PATJ: variants seen among roughly 807,000 people sequenced by gnomAD.
PATJ encodes PATJ crumbs cell polarity complex component.
Under a neutral mutation model 224.9 loss-of-function variants are expected in PATJ, and 190 were observed. The observed-to-expected ratio is 0.84, with a 90% CI of 0.75 to 0.95. The LOEUF (loss-of-function observed/expected upper bound fraction) is 0.95, where lower values mean the gene tolerates loss of function less well. Among genes scored for constraint, PATJ ranks in the 40% least tolerant of loss-of-function variants. PATJ has a pLI of 0.00. For missense variants in PATJ, 2,121 were observed against 2,270.3 expected (o/e 0.93, Z 1.34); for synonymous variants, 769 against 820.3 (o/e 0.94, Z 1.07).
chr1:61,920,400 G>GCT (rs960190178), intron 26 of PATJ, among the ~76,000 whole-genome samples: 2 of 152,072 alleles, frequency 1.3e-5, no homozygotes, highest in African/African-American at 4.8e-5. Context: ...CCCTGCACAA[G>GCT]CTCTCTCTCT....
At chr1:62,024,886 A>G (rs1247239655) in intron 29 of PATJ, among the ~76,000 whole-genome samples, 1 of 152,092 alleles carries the variant, frequency 6.6e-6, no homozygotes, top group African/African-American at 2.4e-5. Context: ...CTTGATACGA[A>G]TGGTGTTTAT....
chr1:61,921,739 G>A (rs1292114381), intron 26 of PATJ, among the ~76,000 whole-genome samples: 1 of 152,168 alleles, frequency 6.6e-6, no homozygotes, highest in East Asian at 1.9e-4. Flanking sequence ...AATACAATCT[G>A]TAGTGAGAGA....
Position 62,117,172 on chromosome 1 carries a change from G to T in PATJ, c.4844G>T (p.Arg1615Leu). 6.2e-7 allele frequency: 1 copy of T among 1,614,064 alleles called. No individual in the cohort carries two copies. The highest frequency in any genetic ancestry group is 2.2e-5 in the East Asian group (1 of 44,880). The change falls in exon 37 of 44, where the codon CGA becomes CTA. Residue 1615 changes from arginine to leucine, a missense_variant. Physicochemically the swap from Arg to Leu is moderately radical, Grantham distance 102. Coordinates refer to ENST00000642238, the MANE Select transcript of PATJ (RefSeq NM_001350145.3). ...GLVQLEIGRL[R>L]AGSWTSARTT... ...GTGCAGCTAGAGATTGGAAGACTCC[G>T]AGCTGGTTCCTGGACCTCCGCAAGG...
intron 30 of PATJ, among the ~76,000 whole-genome samples, chr1:62,046,510 G>C: frequency 6.6e-6 from 1 of 152,248 alleles, no homozygotes; most frequent in South Asian, 2.1e-4. Context: ...GTGGGGAGGC[G>C]TAGTACAGTT....
At chr1:62,048,722 A>G (rs960548652) in intron 30 of PATJ, among the ~76,000 whole-genome samples, 7 of 152,140 alleles carry the variant, frequency 4.6e-5, no homozygotes, top group African/African-American at 1.7e-4. Flanking sequence ...CTGGTATTTT[A>G]TCTGCACTTT....
At position 61,817,385 on chromosome 1, in the gene PATJ, C is replaced by T. The variant is rs548459675; in HGVS notation, c.1684-5560C>T. 5.3e-5 allele frequency among the ~76,000 whole-genome samples: 8 copies of T among 152,126 alleles called. No homozygotes were observed. In the East Asian group the frequency reaches 1.2e-3, roughly 22 times the overall value. ...TCTGAATTAAAATTTTGGAGGGGAC[C>T]GGGAGCGGTGGCTCACGCCTGTAAT... On this transcript the variant is annotated intron_variant, in intron 14 of 43. Transcript: ENST00000642238.
At chr1:62,040,630 G>T (rs183716697) in intron 30 of PATJ, among the ~76,000 whole-genome samples, 1 of 152,132 alleles carries the variant, frequency 6.6e-6, no homozygotes, top group African/African-American at 2.4e-5. Flanking sequence ...ATGAGCTGGG[G>T]CGTGTTTGAG....
intron 28 of PATJ, among the ~76,000 whole-genome samples, chr1:62,009,120 C>T (rs1646274913): frequency 6.6e-6 from 1 of 152,100 alleles, no homozygotes; most frequent in Admixed American, 6.5e-5. Flanking sequence ...AATGAGCACT[C>T]AGGTCATGAA....
chr1:61,945,982 A>T (rs555192623), intron 27 of PATJ, among the ~76,000 whole-genome samples: 1 of 152,346 alleles, frequency 6.6e-6, no homozygotes, highest in South Asian at 2.1e-4. Context: ...TACATAATGA[A>T]ATGAAGGCAG....
chr1:61,791,377 T>C lies in PATJ; in HGVS notation c.1098T>C (p.Val366=), dbSNP rs1158121997. 1.4e-5 allele frequency: 23 copies of C among 1,611,564 alleles called. No homozygotes were observed. Among genetic ancestry groups the C allele is most frequent in the African/African-American group, 6.7e-5 (5 of 74,886 alleles). ...GTTCTCTTTTTGAAACTTATAATGT[T>C]GAGCTTGTGAGAAAAGATGGGCAGA... ...SDSSLFETYN[V]ELVRKDGQSL... The change falls in exon 9 of 44, where the codon GTT becomes GTC. Residue 366 remains valine, a synonymous_variant. Coordinates refer to ENST00000642238, the MANE Select transcript of PATJ (RefSeq NM_001350145.3).
intron 26 of PATJ, among the ~76,000 whole-genome samples, chr1:61,915,630 A>G (rs1315063840): frequency 6.6e-6 from 1 of 151,488 alleles, no homozygotes; most frequent in African/African-American, 2.4e-5. Context: ...AGCCATTAAT[A>G]TGATTTTTTA....
intron 29 of PATJ, among the ~76,000 whole-genome samples, chr1:62,021,120 A>C (rs1293436653): frequency 1.3e-5 from 2 of 152,046 alleles, no homozygotes; most frequent in Non-Finnish European, 2.9e-5. Context: ...GAGCCACTGC[A>C]CCAGGCCCAG....
chr1:61,844,762 C>G (rs1486510927), intron 17 of PATJ, among the ~76,000 whole-genome samples: 1 of 151,942 alleles, frequency 6.6e-6, no homozygotes, highest in African/African-American at 2.4e-5. Flanking sequence ...GGGATGGTTT[C>G]CCCCATGCTG....
chr1:61,954,842 C>A (rs2149398859), intron 27 of PATJ, among the ~76,000 whole-genome samples: 1 of 151,214 alleles, frequency 6.6e-6, no homozygotes, highest in South Asian at 2.1e-4. Flanking sequence ...CAAACTTCTC[C>A]TCCCGGGTTC....
At chr1:61,845,281 A>T (rs942556502) in intron 17 of PATJ, among the ~76,000 whole-genome samples, 1 of 152,208 alleles carries the variant, frequency 6.6e-6, no homozygotes, top group Non-Finnish European at 1.5e-5. Context: ...GAGTTCACTC[A>T]TGACCACCCA....
chr1:62,051,054 A>T lies in PATJ; in HGVS notation c.4121A>T (p.Lys1374Ile). 1 of 1,606,600 alleles carries T rather than the reference A, an allele frequency of 6.2e-7. No individual in the cohort carries two copies. Among genetic ancestry groups the T allele is most frequent in the Non-Finnish European group, 8.5e-7 (1 of 1,173,376 alleles). The change falls in exon 31 of 44, where the codon AAA becomes ATA. Residue 1374 changes from lysine to isoleucine, a missense_variant. Physicochemically the swap from Lys to Ile is moderately radical, Grantham distance 102. Transcript: ENST00000642238. Reference sequence around the variant, plus strand: ...CAATTGCCTGAAAGTGAAAGCTTCAAACTGGTGAGAATCTTGAGTATTTTT... The same window carrying T: ...CAATTGCCTGAAAGTGAAAGCTTCATACTGGTGAGAATCTTGAGTATTTTT... ...IKQLPESESF[K>I]LAVSQMKQQK...
At chr1:61,799,218 G>A (rs1017203582) in intron 11 of PATJ, among the ~76,000 whole-genome samples, 1 of 152,192 alleles carries the variant, frequency 6.6e-6, no homozygotes, top group African/African-American at 2.4e-5. Context: ...TTGAGATGGA[G>A]TTTCACTCTT....
At chr1:62,014,925 T>C (rs76022572) in intron 28 of PATJ, among the ~76,000 whole-genome samples, 1,581 of 152,198 alleles carry the variant, frequency 0.01, 31 homozygotes, top group African/African-American at 0.036. Flanking sequence ...GATACAAATA[T>C]AAGAAAAGCT....
At chr1:62,106,683 C>G (rs1055117611) in intron 33 of PATJ, among the ~76,000 whole-genome samples, 1 of 152,052 alleles carries the variant, frequency 6.6e-6, no homozygotes, top group African/African-American at 2.4e-5. Context: ...CCAAAGGGTA[C>G]CAACCAAACA....
Sources: gnomAD v4.1 joint callset for allele counts (sites outside exome capture counted in the v4.1 genomes callset) on GRCh38, gnomAD v4.1.1 for gene constraint, MANE v1.5 for transcripts, NCBI Gene and HGNC (gene_info 2026-07-23, HGNC 2026-07-21) for gene names.